SLC25A25: variants seen among roughly 807,000 people sequenced by gnomAD.
SLC25A25 encodes mitochondrial adenyl nucleotide antiporter SLC25A25.
SLC25A25 carries 32 observed loss-of-function variants against 57.7 expected under a neutral mutation model. That is an observed-to-expected ratio of 0.55 (90% confidence interval 0.42 to 0.74). SLC25A25 has a LOEUF of 0.74. SLC25A25 is among the 30% of genes least tolerant of loss of function. SLC25A25 has a pLI of 0.00. For missense variants in SLC25A25, 556 were observed against 701.3 expected (o/e 0.79, Z 2.34); for synonymous variants, 306 against 291.2 (o/e 1.05, Z -0.52).
intron 1 of SLC25A25, among the ~76,000 whole-genome samples, chr9:128,100,560 C>T (rs1393078307): frequency 6.6e-6 from 1 of 152,148 alleles, no homozygotes; most frequent in Non-Finnish European, 1.5e-5. Context: ...TGGCTCTGCC[C>T]CCGATTTTCA....
chr9:128,078,727 C>T (rs1343643511), intron 1 of SLC25A25, among the ~76,000 whole-genome samples: 1 of 152,194 alleles, frequency 6.6e-6, no homozygotes, highest in East Asian at 1.9e-4. Flanking sequence ...TGGAGATTAT[C>T]TCACTAACCA....
chr9:128,083,255 G>GT (rs956749725), intron 1 of SLC25A25, among the ~76,000 whole-genome samples: 8 of 67,812 alleles, frequency 1.2e-4, no homozygotes, highest in African/African-American at 3.1e-4. Context: ...AAATAAAAGT[G>GT]TTTTTTTTTG....
intron 1 of SLC25A25, among the ~76,000 whole-genome samples, chr9:128,076,722 C>T (rs532092003): frequency 6.6e-6 from 1 of 152,256 alleles, no homozygotes; most frequent in South Asian, 2.1e-4. Context: ...CCCGCCTCAG[C>T]CTCCCGAAGT....
intron 1 of SLC25A25, among the ~76,000 whole-genome samples, chr9:128,077,516 T>TAAAAAA (rs567869070): frequency 8.0e-5 from 8 of 100,332 alleles, no homozygotes; most frequent in South Asian, 6.9e-4. Flanking sequence ...GACTCCGTCT[T>TAAAAAA]AAAAAAAAAA....
Position 128,068,500 on chromosome 9 carries a change from C to T in SLC25A25, c.181C>T (p.Arg61Trp). The T allele has an allele frequency of 4.6e-6, 7 of 1,509,696 alleles. No individual in the cohort carries two copies. The highest frequency in any genetic ancestry group is 5.3e-6 in the Non-Finnish European group (6 of 1,134,792). 93.5% of individuals were successfully genotyped at this position (1,509,696 alleles called of 1,614,324 possible). Reference sequence around the variant, plus strand: ...ACTCTTTCAGACGCTCGACGTCAACCGGGACGGCGGCCTGTGTGTCAACGA... The same window carrying T: ...ACTCTTTCAGACGCTCGACGTCAACTGGGACGGCGGCCTGTGTGTCAACGA... ...WRLFQTLDVN[R>W]DGGLCVNDLA... The change falls in exon 1 of 11, where the codon CGG becomes TGG. Residue 61 changes from arginine (R) to tryptophan (W), a missense_variant. Coordinates refer to ENST00000373069, the MANE Select transcript of SLC25A25 (RefSeq NM_001330988.2).
At position 128,104,831 on chromosome 9, in the gene SLC25A25, A is replaced by AATT. The variant is rs57220788; in HGVS notation, c.784-862_784-860dup. Among the ~76,000 whole-genome samples the AATT allele has an allele frequency of 9.5e-3, 1,380 of 144,554 alleles. 12 individuals are homozygous for AATT. The highest frequency in any genetic ancestry group is 0.032 in the East Asian group (163 of 5,030). The allele number at this position is 144,554 out of a possible 152,430, so 94.8% of individuals were successfully genotyped here. On this transcript the variant is annotated intron_variant, in intron 6 of 10. Transcript: ENST00000373069. ...ATAATGAAAAACTTTGATTTTTAAA[A>AATT]ATTATTATTATTATTATTATTATTA... is the stretch of plus-strand genomic sequence containing the variant.
chr9:128,085,057 G>C (rs10760533), intron 1 of SLC25A25, among the ~76,000 whole-genome samples: 112,988 of 152,078 alleles, frequency 0.74, 43,796 homozygotes, highest in Non-Finnish European at 0.85. Flanking sequence ...GGGCCGGGCA[G>C]AGTGGCTCAC....
intron 1 of SLC25A25, among the ~76,000 whole-genome samples, chr9:128,074,700 GTC>G (rs1015748260): frequency 6.6e-6 from 1 of 152,052 alleles, no homozygotes; most frequent in African/African-American, 2.4e-5. Context: ...GCCAGACTCT[GTC>G]TCAAAAAACA....
chr9:128,083,513 CTTT>C (rs1315501906), intron 1 of SLC25A25, among the ~76,000 whole-genome samples: 8 of 117,468 alleles, frequency 6.8e-5, no homozygotes, highest in Admixed American at 3.1e-4. Flanking sequence ...TTTCTTTTTT[CTTT>C]TTTTTTTTTT....
Position 128,103,217 on chromosome 9 carries a change from G to A in SLC25A25, c.625-464G>A, listed in dbSNP as rs914210937. Among the ~76,000 whole-genome samples, 3 of 152,206 alleles carry A rather than the reference G, an allele frequency of 2.0e-5. No homozygotes were observed. The highest frequency in any genetic ancestry group is 1.9e-4 in the East Asian group (1 of 5,196). ...GCTCTGATCAGCCCGGATGTCACCCGGAGAAAGGTTACGCAGGCAGCGAGC... is the reference window on the plus strand; with the variant it reads ...GCTCTGATCAGCCCGGATGTCACCCAGAGAAAGGTTACGCAGGCAGCGAGC... On this transcript the variant is annotated intron_variant, in intron 5 of 10. Coordinates refer to ENST00000373069, the MANE Select transcript of SLC25A25 (RefSeq NM_001330988.2). The surrounding 1 kb of genome is among the most constrained non-coding windows in gnomAD (Gnocchi z 6.7).
intron 1 of SLC25A25, among the ~76,000 whole-genome samples, chr9:128,071,038 C>T (rs1303614931): frequency 6.6e-6 from 1 of 151,902 alleles, no homozygotes; most frequent in African/African-American, 2.4e-5. Flanking sequence ...CTTTTGTGAA[C>T]CTACCCACTT....
rs1833893227 is a variant in SLC25A25, at chr9:128,103,550, C to T, written c.625-131C>T. The T allele has an allele frequency of 8.9e-7, 1 of 1,119,838 alleles. No individual in the cohort carries two copies. Among genetic ancestry groups the T allele is most frequent in the Non-Finnish European group, 1.3e-6 (1 of 769,788 alleles). The allele number at this position is 1,119,838 out of a possible 1,614,324, so 69.4% of individuals were successfully genotyped here. A position where few individuals can be genotyped will look rare whatever the true frequency, so the allele number is the denominator to read the frequency against. ...GGGAAAGACCCCAGCCCGCTTCCCA[C>T]CCAGAGTCCTTGGCCTTCTCCCTGT... On this transcript the variant is annotated intron_variant, in intron 5 of 10. Coordinates refer to ENST00000373069, the MANE Select transcript of SLC25A25 (RefSeq NM_001330988.2). This position sits in a 1 kb window ranked among gnomAD's most constrained non-coding sequence, Gnocchi z 6.7.
At chr9:128,093,393 C>T (rs1249881542) in intron 1 of SLC25A25, among the ~76,000 whole-genome samples, 2 of 152,206 alleles carry the variant, frequency 1.3e-5, no homozygotes, top group Admixed American at 1.3e-4. Flanking sequence ...CTCGAATGGC[C>T]GGCTCCTTTT....
intron 1 of SLC25A25, among the ~76,000 whole-genome samples, chr9:128,096,963 T>C (rs1179345634): frequency 6.6e-6 from 1 of 152,240 alleles, no homozygotes. Context: ...ATCAGATCTC[T>C]GTTAGAAGGC....
At position 128,099,046 on chromosome 9, in the gene SLC25A25, G is replaced by A. The variant is rs1408448050; in HGVS notation, c.262-2050G>A. The A allele has an allele frequency of 6.1e-6, 6 of 985,352 alleles. No homozygotes were observed. The highest frequency in any genetic ancestry group is 7.2e-6 in the Non-Finnish European group (6 of 829,940). 61.0% of individuals were successfully genotyped at this position (985,352 alleles called of 1,614,324 possible). ...AGAAAGGGACCTGGGGGGCAGGCCA[G>A]TAGTGCATGGGAGGAGAAGGCAGGG... On this transcript the variant is annotated intron_variant, in intron 1 of 10. Coordinates refer to ENST00000373069, the MANE Select transcript of SLC25A25 (RefSeq NM_001330988.2). This position sits in a 1 kb window ranked among gnomAD's most constrained non-coding sequence, Gnocchi z 6.8.
chr9:128,080,235 AAAAAAAC>A (rs1833120270), intron 1 of SLC25A25, among the ~76,000 whole-genome samples: 1 of 56,224 alleles, frequency 1.8e-5, no homozygotes, highest in African/African-American at 4.0e-5. Context: ...CATCTAAAAA[AAAAAAAC>A]AAAAAAACAA....
chr9:128,098,365 C>A, intron 1 of SLC25A25: 1 of 1,023,014 alleles, frequency 9.8e-7, no homozygotes, highest in Non-Finnish European at 1.3e-6. Context: ...ACCTTCTCCC[C>A]CGGGCTCTGT....
chr9:128,080,833 G>C (rs1431157724), intron 1 of SLC25A25, among the ~76,000 whole-genome samples: 1 of 152,086 alleles, frequency 6.6e-6, no homozygotes, highest in African/African-American at 2.4e-5. Flanking sequence ...GCGTTTTCAA[G>C]GTTGTTCAGT....
intron 1 of SLC25A25, among the ~76,000 whole-genome samples, chr9:128,097,000 C>T (rs534896367): frequency 6.6e-6 from 1 of 152,356 alleles, no homozygotes; most frequent in African/African-American, 2.4e-5. Flanking sequence ...TTGTCATAAT[C>T]TCTGTTTCAT....
Sources: gnomAD v4.1 joint callset for allele counts (sites outside exome capture counted in the v4.1 genomes callset) on GRCh38, gnomAD v4.1.1 for gene constraint, Gnocchi (gnomAD v3.1) non-coding constraint, MANE v1.5 for transcripts, NCBI Gene and HGNC (gene_info 2026-07-23, HGNC 2026-07-21) for gene names.